Variants in RRP9 observed in about 807,000 individuals in gnomAD.
RRP9 encodes the protein ribosomal RNA processing 9, U3 small nucleolar RNA binding protein, also known as U3 small nucleolar RNA-interacting protein 2.
Under a neutral mutation model 65.5 loss-of-function variants are expected in RRP9, and 35 were observed. The observed-to-expected ratio is 0.53, with a 90% CI of 0.41 to 0.71. The LOEUF (loss-of-function observed/expected upper bound fraction) is 0.71. Among genes scored for constraint, RRP9 ranks in the 30% least tolerant of loss-of-function variants. The pLI, the probability that RRP9 is intolerant of heterozygous loss-of-function variation, is 0.00. For synonymous variants in RRP9, 254 were observed against 245.0 expected (o/e 1.04, Z -0.34); for missense variants, 533 against 633.6 (o/e 0.84, Z 1.70).
At chr3:51,936,074 C>T (rs1357108001) in intron 8 of RRP9, among the ~76,000 whole-genome samples, 183 bp downstream of exon 8, 1 of 152,186 alleles carries the variant, frequency 6.6e-6, no homozygotes, top group African/African-American at 2.4e-5. Flanking sequence ...AAGCTCGGCC[C>T]GGTCTCCCCC....
intron 2 of RRP9, among the ~76,000 whole-genome samples, chr3:51,939,983 G>A (rs1240164275): frequency 6.6e-6 from 1 of 152,248 alleles, no homozygotes; most frequent in African/African-American, 2.4e-5. Context: ...ATGGCTGGGT[G>A]TGGTGGCTCA....
intron 2 of RRP9, among the ~76,000 whole-genome samples, chr3:51,940,682 CT>C (rs201094938): frequency 1.5e-4 from 22 of 147,954 alleles, no homozygotes; most frequent in African/African-American, 2.5e-4. Flanking sequence ...ACCCAGCTAA[CT>C]TTTTTTTTTT....
chr3:51,933,817 G>GC (rs778543279), intron 13 of RRP9, 36 bp from the exon 14 acceptor site: 80 of 1,591,788 alleles, frequency 5.0e-5, no homozygotes, highest in Non-Finnish European at 6.6e-5. Flanking sequence ...ACATTAGAAC[G>GC]CCCCCCGCCA....
chr3:51,941,696 A>T, intron 1 of RRP9, 85 bp downstream of exon 1: 1 of 1,289,732 alleles, frequency 7.8e-7, no homozygotes, highest in South Asian at 1.3e-5. Flanking sequence ...GGGCTGGGGA[A>T]GGGCCGGGAC....
Position 51,938,150 on chromosome 3 carries a change from T to G in RRP9, c.225A>C (p.Ala75=). ...TGGCCAAGCGCAGCTTCTTTTCCTGTGCAGTTTCCTCCAGCTCCTCCTCCT... is the reference window on the plus strand; with the variant it reads ...TGGCCAAGCGCAGCTTCTTTTCCTGGGCAGTTTCCTCCAGCTCCTCCTCCT... The part of the protein sequence containing the change: ...EEEEEELEET[A]QEKKLRLAKL... Residue 75 remains alanine, a synonymous_variant, in exon 3 of 15, where the codon GCA becomes GCC. Coordinates refer to ENST00000232888, the MANE Select transcript of RRP9 (RefSeq NM_004704.5). 6.2e-7 allele frequency: 1 copy of G among 1,604,854 alleles called. No individual in the cohort carries two copies.
chr3:51,935,407 G>C lies in RRP9; in HGVS notation c.906C>G (p.Gly302=). The stretch of plus-strand genomic sequence containing the variant: ...TCCACACACGTACAGTCCCATCCCG[G>C]CCCCCAGCCGTCACACAGCACTCCC... ...LSRECCVTAG[G]RDGTVRVWKI... is the part of the protein sequence containing the mutation. The change falls in exon 10 of 15, where the codon GGC becomes GGG. Residue 302 remains glycine (G), a synonymous_variant. Transcript: ENST00000232888. The C allele has an allele frequency of 6.2e-7, 1 of 1,614,090 alleles. No homozygotes were observed. Among genetic ancestry groups the C allele is most frequent in the Non-Finnish European group, 8.5e-7 (1 of 1,180,010 alleles).
In RRP9 at chr3:51,941,815, C is replaced by A; in HGVS notation, c.53G>T (p.Gly18Val). ...RKRGKPASGA[G>V]AGAGAGKRRR... is the part of the protein sequence containing the mutation. ...CCGCTTGCCGGCCCCCGCGCCAGCC[C>A]CGGCCCCAGAGGCCGGCTTTCCCCG... Residue 18 changes from glycine to valine, a missense_variant, in exon 1 of 15, where the codon GGG becomes GTG. Gly to Val is a moderately radical substitution (Grantham distance 109). Around this residue, in one of 3 missense-constraint regions of RRP9, gnomAD observed 77 missense variants for 60.5 expected, o/e 1.27. Coordinates refer to ENST00000232888, the MANE Select transcript of RRP9 (RefSeq NM_004704.5). The A allele has an allele frequency of 6.3e-7, 1 of 1,580,224 alleles. No individual in the cohort carries two copies. The highest frequency in any genetic ancestry group is 2.3e-5 in the East Asian group (1 of 43,526).
chr3:51,934,388 AG>A lies in RRP9; in HGVS notation c.1260+83del. The A allele has an allele frequency of 7.1e-7, 1 of 1,410,386 alleles. No individual in the cohort carries two copies. Among genetic ancestry groups the A allele is most frequent in the Non-Finnish European group, 9.7e-7 (1 of 1,033,602 alleles). 87.4% of individuals were successfully genotyped at this position (1,410,386 alleles called of 1,614,324 possible). The stretch of plus-strand genomic sequence containing the variant: ...TGCCCTGAGAAGGTTCCCTTCTGGC[AG>A]GAAGAAAGACCTTAAAGAGCTAACT... On this transcript the variant is annotated intron_variant, in intron 13 of 14. Transcript: ENST00000232888. The surrounding 1 kb of genome is among the most constrained non-coding windows in gnomAD (Gnocchi z 4.1).
chr3:51,941,241 C>G (rs982895214), intron 2 of RRP9, among the ~76,000 whole-genome samples, 168 bp downstream of exon 2: 2 of 152,180 alleles, frequency 1.3e-5, no homozygotes, highest in African/African-American at 4.8e-5. Flanking sequence ...CCAGAGACCT[C>G]GCAGAAACAA....
In RRP9 at chr3:51,937,319, C is replaced by T; in HGVS notation, c.391-1G>A. 1 of 1,614,094 alleles carries T rather than the reference C, an allele frequency of 6.2e-7. No individual in the cohort carries two copies. Among genetic ancestry groups the T allele is most frequent in the Non-Finnish European group, 8.5e-7 (1 of 1,180,018 alleles). On this transcript the variant is annotated splice_acceptor_variant, in intron 5 of 14. Transcript: ENST00000232888. LOFTEE classifies it high-confidence loss of function. The surrounding 1 kb of genome is among the most constrained non-coding windows in gnomAD (Gnocchi z 5.0). Reference sequence around the variant, plus strand: ...TGTCAGCTGAGGCTGGGGCCTGGATCTGGGCAGACAGGGGCCAGGTCACTG... The same window carrying T: ...TGTCAGCTGAGGCTGGGGCCTGGATTTGGGCAGACAGGGGCCAGGTCACTG...
At position 51,941,402 on chromosome 3, in the gene RRP9, A is replaced by G; in HGVS notation, c.170+7T>C. 1.9e-6 allele frequency: 3 copies of G among 1,613,324 alleles called. No homozygotes were observed. In the African/African-American group the frequency reaches 4.0e-5, roughly 21 times the overall value. ...TCCCTCCCACTATGTGGAAAAGAATAGCTCACCTCTCGCTCTCAGAGTCGC... is the reference window on the plus strand; with the variant it reads ...TCCCTCCCACTATGTGGAAAAGAATGGCTCACCTCTCGCTCTCAGAGTCGC... On this transcript the variant is annotated splice_region_variant and intron_variant, in intron 2 of 14. Coordinates refer to ENST00000232888, the MANE Select transcript of RRP9 (RefSeq NM_004704.5).
In RRP9 at chr3:51,933,796, A is replaced by G; in HGVS notation, c.1261-15T>C. 6.2e-7 allele frequency: 1 copy of G among 1,613,656 alleles called. No homozygotes were observed. The highest frequency in any genetic ancestry group is 8.5e-7 in the Non-Finnish European group (1 of 1,179,596). The stretch of plus-strand genomic sequence containing the variant: ...ATAAAACCCACCTGAGCAGAAAGAC[A>G]ACACGGAAAGACATTAGAACGCCCC... On this transcript the variant is annotated splice_polypyrimidine_tract_variant and intron_variant, in intron 13 of 14. Transcript: ENST00000232888.
Position 51,937,802 on chromosome 3 carries a change from C to T in RRP9, c.281-66G>A. 6.4e-7 allele frequency: 1 copy of T among 1,573,348 alleles called. No individual in the cohort carries two copies. Among genetic ancestry groups the T allele is most frequent in the South Asian group, 1.1e-5 (1 of 89,478 alleles). On this transcript the variant is annotated intron_variant, in intron 3 of 14. Transcript: ENST00000232888. The surrounding 1 kb of genome is among the most constrained non-coding windows in gnomAD (Gnocchi z 5.0). Reference sequence around the variant, plus strand: ...CCCCTCTTTCCCTTCCATCCTGTCCCCATCCCACTGCCCCAGGGCTGGATA... The same window carrying T: ...CCCCTCTTTCCCTTCCATCCTGTCCTCATCCCACTGCCCCAGGGCTGGATA...
At chr3:51,935,151 C>T (rs377547115) in intron 11 of RRP9, 46 bp downstream of exon 11, 1 of 1,610,044 alleles carries the variant, frequency 6.2e-7, no homozygotes, top group Admixed American at 1.7e-5. Context: ...ACAGCCAGCA[C>T]TCAGGAGCAG....
chr3:51,936,064 A>T (rs1418643715), intron 8 of RRP9, among the ~76,000 whole-genome samples, 193 bp downstream of exon 8: 1 of 152,062 alleles, frequency 6.6e-6, no homozygotes, highest in Non-Finnish European at 1.5e-5. Flanking sequence ...ATTCCTGAGC[A>T]AGCTCGGCCC....
Position 51,937,026 on chromosome 3 carries a change from G to T in RRP9, c.517+166C>A, listed in dbSNP as rs897757839. Among the ~76,000 whole-genome samples, 1 of 152,116 alleles carries T rather than the reference G, an allele frequency of 6.6e-6. No individual in the cohort carries two copies. Among genetic ancestry groups the T allele is most frequent in the Non-Finnish European group, 1.5e-5 (1 of 68,020 alleles). ...CAGGGAGCTCATAAGCCCCACTGCC[G>T]GGCAGCAGCTTTCACTGTCACCCAG... On this transcript the variant is annotated intron_variant, in intron 6 of 14. Coordinates refer to ENST00000232888, the MANE Select transcript of RRP9 (RefSeq NM_004704.5). The surrounding 1 kb of genome is among the most constrained non-coding windows in gnomAD (Gnocchi z 5.0).
Position 51,937,971 on chromosome 3 carries a change from GAC to G in RRP9, c.280+122_280+123del. The G allele has an allele frequency of 1.0e-6, 1 of 1,000,322 alleles. No homozygotes were observed. The allele number at this position is 1,000,322 out of a possible 1,614,324, so 62.0% of individuals were successfully genotyped here. ...CCACCCCCACAGGGCAGCCAGCACT[GAC>G]AGCCTGGGCACCCACTGGGAATCCA... On this transcript the variant is annotated intron_variant, in intron 3 of 14. Transcript: ENST00000232888. The surrounding 1 kb of genome is among the most constrained non-coding windows in gnomAD (Gnocchi z 5.0).
chr3:51,938,673 G>C (rs1699484488), intron 2 of RRP9, among the ~76,000 whole-genome samples: 1 of 152,190 alleles, frequency 6.6e-6, no homozygotes, highest in African/African-American at 2.4e-5. Context: ...AGGTGCCATG[G>C]AATTTTCTCC....
Position 51,934,420 on chromosome 3 carries a change from G to A in RRP9, c.1260+52C>T. 1.3e-6 allele frequency: 2 copies of A among 1,557,074 alleles called. No homozygotes were observed. The highest frequency in any genetic ancestry group is 1.8e-6 in the Non-Finnish European group (2 of 1,141,106). Reference sequence around the variant, plus strand: ...AAGACCTTAAAGAGCTAACTCCAGGGGCCTAGGCAGTGTGGCAGAGACAGG... The same window carrying A: ...AAGACCTTAAAGAGCTAACTCCAGGAGCCTAGGCAGTGTGGCAGAGACAGG... On this transcript the variant is annotated intron_variant, in intron 13 of 14. Coordinates refer to ENST00000232888, the MANE Select transcript of RRP9 (RefSeq NM_004704.5). This position sits in a 1 kb window ranked among gnomAD's most constrained non-coding sequence, Gnocchi z 4.1.
Sources: allele counts gnomAD v4.1 joint callset (sites outside exome capture counted in the v4.1 genomes callset), GRCh38; gene constraint gnomAD v4.1.1; regional missense constraint gnomAD v4.1.1; non-coding constraint Gnocchi (gnomAD v3.1); transcripts MANE v1.5; gene names NCBI Gene and HGNC (gene_info 2026-07-23, HGNC 2026-07-21).